Variants in FAM72B observed in about 807,000 individuals in gnomAD.
FAM72B encodes the protein RUMY family member 2.
FAM72B carries 4 observed loss-of-function variants against 12.6 expected under a neutral mutation model. The observed-to-expected ratio is 0.32, with a 90% confidence interval of 0.16 to 0.73. FAM72B has a LOEUF of 0.73. Ranked by LOEUF, FAM72B falls within the 30% of genes least tolerant of loss-of-function variation. FAM72B has a pLI of 0.67. For synonymous variants in FAM72B, 13 were observed against 53.9 expected (o/e 0.24, Z 3.32); for missense variants, 61 against 158.4 (o/e 0.39, Z 3.30).
At chr1:121,179,956 C>T (rs1553317400) in intron 2 of FAM72B, among the ~76,000 whole-genome samples, 1 of 123,822 alleles carries the variant, frequency 8.1e-6, no homozygotes, top group East Asian at 2.2e-4. Context: ...ACAAGTATAG[C>T]TTAAATAAAG....
At chr1:121,174,368 T>C (rs1570680444) in intron 3 of FAM72B, among the ~76,000 whole-genome samples, 1 of 149,480 alleles carries the variant, frequency 6.7e-6, no homozygotes, top group East Asian at 1.9e-4. Context: ...TCTTTTCTTT[T>C]CTTTTTTTTT....
Position 121,179,731 on chromosome 1 carries a change from G to A in FAM72B, c.230+1540C>T, listed in dbSNP as rs587731369. Among the ~76,000 whole-genome samples, 15 of 145,590 alleles carry A rather than the reference G, an allele frequency of 1.0e-4. No homozygotes were observed. In the South Asian group the frequency reaches 2.8e-3, roughly 27 times the overall value. ...TAGTCTCAGCTACTCAGGAGGCTGA[G>A]GCAGGAGATTCGCTTGAACCTGGGA... On this transcript the variant is annotated intron_variant, in intron 2 of 3. Transcript: ENST00000369390.
intron 3 of FAM72B, among the ~76,000 whole-genome samples, chr1:121,173,000 C>T (rs1260248222): frequency 1.5e-5 from 2 of 136,240 alleles, no homozygotes; most frequent in Non-Finnish European, 3.1e-5. Context: ...TCGCTTGAAC[C>T]CGGGAGGCAG....
intron 3 of FAM72B, among the ~76,000 whole-genome samples, chr1:121,175,492 A>G: frequency 8.7e-6 from 1 of 115,350 alleles, no homozygotes. Flanking sequence ...CTTCTGATGG[A>G]TCTGGGCAAA....
chr1:121,172,314 C>A, intron 3 of FAM72B, among the ~76,000 whole-genome samples: 1 of 110,484 alleles, frequency 9.1e-6, no homozygotes, highest in African/African-American at 4.1e-5. Flanking sequence ...GCCTGGGTGA[C>A]AGAGCAAGAC....
At chr1:121,174,339 A>G (rs1244596126) in intron 3 of FAM72B, among the ~76,000 whole-genome samples, 7 of 151,592 alleles carry the variant, frequency 4.6e-5, no homozygotes, top group Non-Finnish European at 8.8e-5. Context: ...GAAGGTGGCT[A>G]CACTAAACAA....
intron 3 of FAM72B, among the ~76,000 whole-genome samples, chr1:121,175,156 C>T (rs1160651820): frequency 2.5e-4 from 38 of 152,144 alleles, no homozygotes; most frequent in African/African-American, 8.2e-4. Context: ...GGAATTATGC[C>T]AAATATACTT....
intron 3 of FAM72B, among the ~76,000 whole-genome samples, chr1:121,176,793 G>T (rs1452484105): frequency 6.6e-6 from 1 of 152,108 alleles, no homozygotes; most frequent in African/African-American, 2.4e-5. Context: ...AAATACAGAG[G>T]TTACTTAGTC....
At chr1:121,179,541 G>A (rs587643898) in intron 2 of FAM72B, among the ~76,000 whole-genome samples, 39 of 151,666 alleles carry the variant, frequency 2.6e-4, no homozygotes, top group East Asian at 5.9e-4. Flanking sequence ...AAAATTAGCC[G>A]TGTGGGCTGG....
intron 3 of FAM72B, among the ~76,000 whole-genome samples, chr1:121,174,934 C>G (rs1338439800): frequency 6.6e-6 from 1 of 152,092 alleles, no homozygotes; most frequent in Non-Finnish European, 1.5e-5. Context: ...AGGCGTGAAC[C>G]ACTGCATCTG....
At position 121,169,546 on chromosome 1, in the gene FAM72B, T is replaced by C. The variant is rs587622638; in HGVS notation, c.356-711A>G. Among the ~76,000 whole-genome samples, 38 of 151,994 alleles carry C rather than the reference T, an allele frequency of 2.5e-4. 1 individual carries two copies. In the East Asian group the frequency reaches 7.2e-3, roughly 29 times the overall value. On this transcript the variant is annotated intron_variant, in intron 3 of 3. Transcript: ENST00000369390. ...ACAAGATCCTTTTAGATTAAATGCC[T>C]CTTTGGAGGGTTCAGGGAGAAGTCC...
intron 3 of FAM72B, among the ~76,000 whole-genome samples, chr1:121,169,773 CA>C (rs1393579295): frequency 6.6e-6 from 1 of 151,432 alleles, no homozygotes; most frequent in Non-Finnish European, 1.5e-5. Context: ...AAAGAATAAT[CA>C]AAAACTTCAC....
At chr1:121,179,793 A>C (rs2101332743) in intron 2 of FAM72B, among the ~76,000 whole-genome samples, 1 of 143,146 alleles carries the variant, frequency 7.0e-6, no homozygotes, top group Non-Finnish European at 1.5e-5. Flanking sequence ...GTGCCACTGC[A>C]CTCTAGCCTG....
At chr1:121,179,548 C>T (rs587768233) in intron 2 of FAM72B, among the ~76,000 whole-genome samples, 1 of 151,618 alleles carries the variant, frequency 6.6e-6, no homozygotes, top group South Asian at 2.1e-4. Context: ...GCCGTGTGGG[C>T]TGGGTGCGGT....
At chr1:121,173,243 G>A (rs1270131112) in intron 3 of FAM72B, among the ~76,000 whole-genome samples, 8 of 136,090 alleles carry the variant, frequency 5.9e-5, no homozygotes, top group East Asian at 2.2e-4. Flanking sequence ...GGAGTGCAGC[G>A]GTGCCACCTC....
chr1:121,177,859 AT>A lies in FAM72B; in HGVS notation c.231-528del, dbSNP rs1654250462. 7.5e-5 allele frequency among the ~76,000 whole-genome samples: 10 copies of A among 133,606 alleles called. No individual in the cohort carries two copies. In the South Asian group the frequency reaches 2.4e-3, roughly 32 times the overall value. 87.7% of individuals were successfully genotyped at this position (133,606 alleles called of 152,430 possible). A position where few individuals can be genotyped will look rare whatever the true frequency, so the allele number is the denominator to read the frequency against. On this transcript the variant is annotated intron_variant, in intron 2 of 3. Transcript: ENST00000369390. The stretch of plus-strand genomic sequence containing the variant: ...CCACCATGCTTGTCCTGCTAGTATT[AT>A]TTTATGCATTCTCCCTTCAGAAGTT...
chr1:121,169,647 G>C (rs1275841376), intron 3 of FAM72B, among the ~76,000 whole-genome samples: 2 of 152,128 alleles, frequency 1.3e-5, no homozygotes, highest in Non-Finnish European at 2.9e-5. Flanking sequence ...AAAAAGCAAG[G>C]GTTCGGAGAC....
intron 3 of FAM72B, among the ~76,000 whole-genome samples, chr1:121,173,149 T>TA (rs1422001855): frequency 2.0e-5 from 3 of 151,284 alleles, no homozygotes; most frequent in African/African-American, 7.3e-5. Context: ...ATTTTTTTTT[T>TA]AAAAGAATTG....
intron 1 of FAM72B, among the ~76,000 whole-genome samples, chr1:121,182,183 A>G (rs1654346075): frequency 6.6e-6 from 1 of 151,810 alleles, no homozygotes; most frequent in Non-Finnish European, 1.5e-5. Flanking sequence ...TGAAATACAT[A>G]TACGATGTAC....
Sources: gnomAD v4.1 joint callset for allele counts (sites outside exome capture counted in the v4.1 genomes callset) on GRCh38, gnomAD v4.1.1 for gene constraint, MANE v1.5 for transcripts, NCBI Gene and HGNC (gene_info 2026-07-23, HGNC 2026-07-21) for gene names.